MCC: variants seen among roughly 807,000 people sequenced by gnomAD.
The protein encoded by MCC is colorectal mutant cancer protein.
A neutral mutation model predicts 116.2 loss-of-function variants in MCC; 90 were observed. The ratio of observed to expected loss-of-function variants is 0.77; its 90% CI spans 0.65 to 0.92. MCC has a LOEUF of 0.92. MCC is among the 40% of genes least tolerant of loss of function. MCC has a pLI of 0.00. For synonymous variants in MCC, 578 were observed against 510.5 expected (o/e 1.13, Z -1.78); for missense variants, 1,516 against 1,312.2 (o/e 1.16, Z -2.40).
At chr5:113,187,237 C>G (rs1042356142) in intron 3 of MCC, among the ~76,000 whole-genome samples, 1 of 152,164 alleles carries the variant, frequency 6.6e-6, no homozygotes, top group Admixed American at 6.5e-5. Flanking sequence ...GCCTCCTGAG[C>G]AGTTGGGATT....
chr5:113,415,615 C>T (rs1770122449), intron 1 of MCC, among the ~76,000 whole-genome samples: 1 of 152,134 alleles, frequency 6.6e-6, no homozygotes, highest in Non-Finnish European at 1.5e-5. Flanking sequence ...TTTTCAGCTC[C>T]ATCAGGTCAT....
chr5:113,029,296 GAAAAC>G (rs984026741), intron 17 of MCC, among the ~76,000 whole-genome samples: 8 of 151,626 alleles, frequency 5.3e-5, no homozygotes, highest in Non-Finnish European at 7.4e-5. Flanking sequence ...ATGTGTCAAA[GAAAAC>G]AAGACAGGAA....
intron 1 of MCC, chr5:113,428,642 T>A (rs1410372027): frequency 6.6e-6 from 1 of 152,196 alleles, no homozygotes; most frequent in African/African-American, 2.4e-5. Context: ...TAATCCTGCT[T>A]CCTTCACTCC....
At chr5:113,478,840 C>T (rs562812422) in intron 1 of MCC, among the ~76,000 whole-genome samples, 2 of 152,304 alleles carry the variant, frequency 1.3e-5, no homozygotes, top group South Asian at 4.1e-4. Flanking sequence ...TATGGCTTCT[C>T]ACACTATTTG....
intron 3 of MCC, among the ~76,000 whole-genome samples, chr5:113,237,336 A>C (rs1367124187): frequency 1.3e-5 from 2 of 152,236 alleles, no homozygotes; most frequent in Non-Finnish European, 2.9e-5. Context: ...AAATTTCTGA[A>C]TTTTGTAGCA....
chr5:113,117,023 C>T (rs1034868224), intron 6 of MCC, among the ~76,000 whole-genome samples: 1 of 152,184 alleles, frequency 6.6e-6, no homozygotes, highest in Non-Finnish European at 1.5e-5. Flanking sequence ...CCGGTCTAAC[C>T]CTTTCAGTCT....
chr5:113,050,345 C>T (rs1348306691), intron 15 of MCC, among the ~76,000 whole-genome samples: 2 of 152,128 alleles, frequency 1.3e-5, no homozygotes, highest in East Asian at 3.9e-4. Flanking sequence ...CTTCCCAGCC[C>T]ACCGTGAGAT....
intron 3 of MCC, among the ~76,000 whole-genome samples, chr5:113,205,148 CTA>C (rs1241818895): frequency 6.6e-6 from 1 of 152,172 alleles, no homozygotes; most frequent in East Asian, 1.9e-4. Flanking sequence ...GTATTTTTCT[CTA>C]TGAGTTCCCT....
At chr5:113,056,841 G>A (rs984507288) in intron 14 of MCC, among the ~76,000 whole-genome samples, 1 of 152,160 alleles carries the variant, frequency 6.6e-6, no homozygotes, top group Non-Finnish European at 1.5e-5. Context: ...CTACTATGGG[G>A]TCCTGGAAAA....
chr5:113,179,706 T>C (rs1314530806), intron 3 of MCC, among the ~76,000 whole-genome samples: 4 of 152,184 alleles, frequency 2.6e-5, no homozygotes, highest in African/African-American at 7.2e-5. Flanking sequence ...AGGATTTTGC[T>C]GTAAAATGCA....
chr5:113,262,937 A>G (rs1327877051), intron 3 of MCC, among the ~76,000 whole-genome samples: 2 of 152,176 alleles, frequency 1.3e-5, no homozygotes, highest in Admixed American at 1.3e-4. Flanking sequence ...TTGAAAAGAC[A>G]ATGATGGCTA....
intron 3 of MCC, among the ~76,000 whole-genome samples, chr5:113,248,997 C>T (rs528900789): frequency 6.6e-6 from 1 of 152,094 alleles, no homozygotes. Flanking sequence ...GTGTGCATCA[C>T]CATGCCTGGC....
intron 3 of MCC, among the ~76,000 whole-genome samples, chr5:113,297,217 G>A (rs2150363532): frequency 6.6e-6 from 1 of 152,302 alleles, no homozygotes; most frequent in Admixed American, 6.5e-5. Flanking sequence ...GAATTAAGAA[G>A]GGACGGCTGG....
At chr5:113,241,902 C>A (rs1323867671) in intron 3 of MCC, among the ~76,000 whole-genome samples, 3 of 152,204 alleles carry the variant, frequency 2.0e-5, no homozygotes, top group Admixed American at 2.0e-4. Flanking sequence ...GCTAATCCAG[C>A]TATTCCCATA....
rs544662653 is a variant in MCC, at chr5:113,119,448, C to A, written c.1027+3236G>T. On this transcript the variant is annotated intron_variant, in intron 6 of 18. Transcript: ENST00000408903. ...GGAAGGAACAGCCAGCACAGAGCCC[C>A]GGGCAGGAGAAGCAGCTCAGGCTGG... 1.7e-4 allele frequency among the ~76,000 whole-genome samples: 26 copies of A among 152,212 alleles called. No homozygotes were observed. The South Asian group carries it at 3.7e-3, about 22-fold the overall frequency.
chr5:113,425,946 ACAT>A (rs1770470356), intron 1 of MCC, among the ~76,000 whole-genome samples: 2 of 152,082 alleles, frequency 1.3e-5, no homozygotes, highest in Admixed American at 1.3e-4. Flanking sequence ...TGGCAATAAG[ACAT>A]CATCAAGTGA....
In MCC at chr5:113,083,933, T is replaced by A. The variant is rs1450732066; in HGVS notation, c.1635+168A>T. On this transcript the variant is annotated intron_variant, in intron 10 of 18. Transcript: ENST00000408903. ...AAGTAATTCACCATATGGATGGAAA[T>A]CATCATACATTTTAATTTAATCCTT... is the stretch of plus-strand genomic sequence containing the variant. Among the ~76,000 whole-genome samples the A allele has an allele frequency of 2.0e-5, 3 of 152,226 alleles. No homozygotes were observed. The East Asian group carries it at 5.8e-4, about 29-fold the overall frequency.
chr5:113,100,464 C>CTTTTTTTTT (rs10649958), intron 8 of MCC, among the ~76,000 whole-genome samples: 9 of 78,802 alleles, frequency 1.1e-4, no homozygotes, highest in East Asian at 4.8e-4. Context: ...GTATTTTTCC[C>CTTTTTTTTT]TTTTTTTTTT....
intron 2 of MCC, among the ~76,000 whole-genome samples, chr5:113,358,746 T>G (rs556191162): frequency 6.6e-6 from 1 of 152,210 alleles, no homozygotes; most frequent in Non-Finnish European, 1.5e-5. Context: ...CAGCTGTCCC[T>G]GTCACAGCAT....
Sources: allele counts gnomAD v4.1 joint callset (sites outside exome capture counted in the v4.1 genomes callset), GRCh38; gene constraint gnomAD v4.1.1; transcripts MANE v1.5; gene names NCBI Gene and HGNC (gene_info 2026-07-23, HGNC 2026-07-21).